The following RBFOX1 variants were observed in gnomAD, a reference collection of about 807,000 sequenced individuals.
RBFOX1 encodes the protein RNA binding fox-1 homolog 1.
A neutral mutation model predicts 57.7 loss-of-function variants in RBFOX1; 8 were observed. The ratio of observed to expected loss-of-function variants is 0.14; its 90% CI spans 0.08 to 0.25. The LOEUF is 0.25. RBFOX1 is among the 10% of genes least tolerant of loss of function. The pLI is 1.00. For synonymous variants in RBFOX1, 326 were observed against 222.4 expected, an observed-to-expected ratio of 1.47 and a Z score of -4.15; for missense variants, 611 against 548.5, an observed-to-expected ratio of 1.11 and a Z score of -1.14.
intron 3 of RBFOX1, among the ~76,000 whole-genome samples, chr16:6,747,476 T>TGTCTGTCTGTCTGTCTGTC (rs1414362121): frequency 1.2e-4 from 16 of 137,034 alleles, no homozygotes; most frequent in African/African-American, 4.3e-4. Context: ...GTCTGTCTGT[T>TGTCTGTCTGTCTGTCTGTC]TATCTATCTG....
intron 4 of RBFOX1, among the ~76,000 whole-genome samples, chr16:7,169,259 GATGTA>G (rs1452497034): frequency 1.3e-5 from 2 of 152,204 alleles, no homozygotes; most frequent in African/African-American, 2.4e-5. Context: ...ATTATTATGT[GATGTA>G]ATGCTAAGAA....
At chr16:7,546,349 AAAATAAAATAAAATAAAATAAAAT>A (rs1267330704) in intron 5 of RBFOX1, among the ~76,000 whole-genome samples, 1 of 2,282 alleles carries the variant, frequency 4.4e-4, no homozygotes, top group African/African-American at 7.1e-4. Context: ...AAAATAAAAT[AAAATAAAATAAAATAAAATAAAAT>A]AAAATAATAA....
At chr16:5,466,338 AG>A (rs1484577517) in intron 1 of RBFOX1, among the ~76,000 whole-genome samples, 1 of 152,026 alleles carries the variant, frequency 6.6e-6, no homozygotes, top group Non-Finnish European at 1.5e-5. Flanking sequence ...TCTGAGACCA[AG>A]GGGAGCATGT....
intron 10 of RBFOX1, chr16:7,614,647 C>G (rs139173019): frequency 1.5e-4 from 23 of 152,220 alleles, no homozygotes; most frequent in African/African-American, 4.8e-4. Context: ...CTATGGGAAG[C>G]GAATGAGGTT....
intron 2 of RBFOX1, among the ~76,000 whole-genome samples, chr16:6,624,730 A>G (rs1306732196): frequency 2.0e-5 from 3 of 152,190 alleles, no homozygotes; most frequent in African/African-American, 7.2e-5. Context: ...AAGAAGAAAA[A>G]GGCTGGAAAC....
In RBFOX1 at chr16:5,557,218, C is replaced by G. The variant is rs898805163; in HGVS notation, c.259-41684C>G. 2.6e-5 allele frequency among the ~76,000 whole-genome samples: 4 copies of G among 151,810 alleles called. No homozygotes were observed. The East Asian group carries it at 7.8e-4, about 29-fold the overall frequency. ...GAGGTTGCAGTGAGCCGGGATTGCG[C>G]CACTGCACTCCAGCCGGGGTGACAG... On this transcript the variant is annotated intron_variant, in intron 2 of 2. Coordinates refer to the RBFOX1 transcript ENST00000585867.
chr16:5,822,586 C>T (rs991040664), intron 3 of RBFOX1, among the ~76,000 whole-genome samples: 6 of 152,074 alleles, frequency 3.9e-5, no homozygotes, highest in Non-Finnish European at 7.4e-5. Context: ...ATTTTCCAAC[C>T]ACAAAGAAAT....
intron 1 of RBFOX1, among the ~76,000 whole-genome samples, chr16:6,272,840 T>C (rs1163249162): frequency 1.3e-5 from 2 of 152,172 alleles, no homozygotes; most frequent in African/African-American, 2.4e-5. Flanking sequence ...AGAGGAAAGA[T>C]AACCTTTCAA....
chr16:6,777,895 A>G (rs1033982875), intron 3 of RBFOX1, among the ~76,000 whole-genome samples: 17 of 152,180 alleles, frequency 1.1e-4, no homozygotes, highest in African/African-American at 3.9e-4. Context: ...ACTTCCATCC[A>G]TATTGAAATG....
At chr16:5,494,205 A>G (rs1461428318) in intron 2 of RBFOX1, among the ~76,000 whole-genome samples, 1 of 152,180 alleles carries the variant, frequency 6.6e-6, no homozygotes, top group Non-Finnish European at 1.5e-5. Flanking sequence ...AGACAGTTCT[A>G]TGATGTCTCC....
chr16:7,693,292 G>T (rs373340411), intron 14 of RBFOX1: 10 of 1,610,716 alleles, frequency 6.2e-6, no homozygotes, highest in Non-Finnish European at 8.5e-6. Context: ...GAGCAGTATT[G>T]TGAATTTTAT....
rs145716484 is a variant in RBFOX1, at chr16:7,684,289, A to G, written c.995+7451A>G. On this transcript the variant is annotated intron_variant, in intron 14 of 15. Transcript: ENST00000550418. ...AGGCACTTCTCAAAAACTATGATGAATTTCATATTTAATTAACATATGAAA... is the reference window on the plus strand; with the variant it reads ...AGGCACTTCTCAAAAACTATGATGAGTTTCATATTTAATTAACATATGAAA... Among the ~76,000 whole-genome samples, 800 of 152,202 alleles carry G rather than the reference A, an allele frequency of 5.3e-3. 3 individuals are homozygous for G. The highest frequency in any genetic ancestry group is 0.027 in the Middle Eastern group (8 of 294).
At chr16:6,931,329 CTA>C (rs367771436) in intron 3 of RBFOX1, among the ~76,000 whole-genome samples, 30,509 of 131,694 alleles carry the variant, frequency 0.23, 3,548 homozygotes, top group East Asian at 0.34. Flanking sequence ...ATCTATCTAT[CTA>C]TCTATCTCTA....
At chr16:6,118,624 C>A (rs946231726) in intron 1 of RBFOX1, among the ~76,000 whole-genome samples, 1 of 151,308 alleles carries the variant, frequency 6.6e-6, no homozygotes, top group Non-Finnish European at 1.5e-5. Context: ...GCTCTCCTCC[C>A]TCCCTCTCTC....
Position 6,855,652 on chromosome 16 carries a change from CAAA to C in RBFOX1, c.-15-196391_-15-196389del, listed in dbSNP as rs71147612. Among the ~76,000 whole-genome samples the C allele has an allele frequency of 5.9e-3, 764 of 129,046 alleles. 14 individuals carry two copies. Among genetic ancestry groups the C allele is most frequent in the African/African-American group, 0.022 (729 of 32,936 alleles). 84.7% of individuals were successfully genotyped at this position (129,046 alleles called of 152,430 possible). A position where few individuals can be genotyped will look rare whatever the true frequency, so the allele number is the denominator to read the frequency against. On this transcript the variant is annotated intron_variant, in intron 3 of 15. Transcript: ENST00000550418. ...TGGGCAACAGAGTGAGACTCCATCT[CAAA>C]AAAAAAAAAAAAAGATCTTTTAACT...
intron 3 of RBFOX1, among the ~76,000 whole-genome samples, chr16:5,775,063 C>G (rs758984583): frequency 1.3e-5 from 2 of 152,184 alleles, no homozygotes; most frequent in Non-Finnish European, 2.9e-5. Flanking sequence ...AATGGAAAAT[C>G]TCCACAGTGC....
chr16:6,866,744 G>T lies in RBFOX1; in HGVS notation c.-15-185313G>T, dbSNP rs193262097. On this transcript the variant is annotated intron_variant, in intron 3 of 15. Coordinates refer to ENST00000550418, the MANE Select transcript of RBFOX1 (RefSeq NM_018723.4). The stretch of plus-strand genomic sequence containing the variant: ...TTTTTAGTAGAGAAGGGGTTTCACC[G>T]TGTTAGCCAGGATGGTCTCGATCTC... 5.8e-3 allele frequency among the ~76,000 whole-genome samples: 882 copies of T among 151,692 alleles called. 14 individuals carry two copies. The highest frequency in any genetic ancestry group is 0.02 in the African/African-American group (834 of 41,340).
At chr16:5,998,093 C>T (rs1373320482) in intron 4 of RBFOX1, among the ~76,000 whole-genome samples, 1 of 152,134 alleles carries the variant, frequency 6.6e-6, no homozygotes, top group African/African-American at 2.4e-5. Context: ...ACTGTATAAA[C>T]CTACCAAGTC....
At chr16:5,550,931 A>T (rs2045437137) in intron 2 of RBFOX1, among the ~76,000 whole-genome samples, 1 of 152,208 alleles carries the variant, frequency 6.6e-6, no homozygotes, top group Non-Finnish European at 1.5e-5. Context: ...GAGTCTTGGA[A>T]ACCACAGCTG....
Sources: allele counts gnomAD v4.1 joint callset (sites outside exome capture counted in the v4.1 genomes callset), GRCh38; gene constraint gnomAD v4.1.1; transcripts MANE v1.5; gene names NCBI Gene and HGNC (gene_info 2026-07-23, HGNC 2026-07-21).